Variants in HSPA4L observed in about 807,000 individuals in gnomAD.
The protein encoded by HSPA4L is heat shock protein family A (Hsp70) member 4 like.
In HSPA4L, 48 loss-of-function variants were observed where a neutral mutation model predicts 100.3. The ratio of observed to expected loss-of-function variants is 0.48; its 90% CI spans 0.38 to 0.61. The LOEUF (loss-of-function observed/expected upper bound fraction) is 0.61. HSPA4L is among the 20% of genes least tolerant of loss of function. The probability of loss-of-function intolerance (pLI) is 0.00; values close to 1 mark genes in which losing one functional copy is unlikely to be tolerated. For missense variants in HSPA4L, 886 were observed against 988.6 expected (o/e 0.90, Z 1.39); for synonymous variants, 319 against 328.2 (o/e 0.97, Z 0.30).
rs751714095 is a variant in HSPA4L at position 127,822,854 on chromosome 4, A to T, written c.1898A>T (p.Asp633Val). 6.8e-6 allele frequency: 11 copies of T among 1,613,654 alleles called. No individual in the cohort carries two copies. The highest frequency in any genetic ancestry group is 1.3e-5 in the African/African-American group (1 of 74,920). ...AVEEYVYDFR[D>V]RLGTVYEKFI... ...GAAGAATATGTATATGATTTTAGAGACAGGCTGGGCACTGTCTATGAAAAA... is the reference window on the plus strand; with the variant it reads ...GAAGAATATGTATATGATTTTAGAGTCAGGCTGGGCACTGTCTATGAAAAA... Residue 633 changes from aspartate (D) to valine (V), a missense_variant, in exon 15 of 19, where the codon GAC becomes GTC. By Grantham distance (152) the Asp-to-Val change is radical. Transcript: ENST00000296464.
chr4:127,794,255 A>G, intron 2 of HSPA4L, 121 bp downstream of exon 2: 1 of 610,758 alleles, frequency 1.6e-6, no homozygotes, highest in South Asian at 3.3e-5. Context: ...GACAGGTACT[A>G]CATCTTTGTT....
chr4:127,782,056 G>T (rs1003728194), upstream of HSPA4L: 10 of 455,126 alleles, frequency 2.2e-5, no homozygotes, highest in Non-Finnish European at 4.0e-5. Flanking sequence ...GGGCGAGCAA[G>T]CCAATGTGCC....
At chr4:127,806,277 G>C (rs1263849698) in intron 10 of HSPA4L, among the ~76,000 whole-genome samples, 6 of 151,684 alleles carry the variant, frequency 4.0e-5, no homozygotes, top group African/African-American at 1.5e-4. Context: ...AGTTATATGT[G>C]CCATAATAAA....
At chr4:127,795,276 A>T (rs1732986395) in intron 2 of HSPA4L, among the ~76,000 whole-genome samples, 1 of 152,148 alleles carries the variant, frequency 6.6e-6, no homozygotes, top group African/African-American at 2.4e-5. Context: ...ATTTTGGAAT[A>T]TTTGCATGAT....
Position 127,832,762 on chromosome 4 carries a change from A to T in HSPA4L, c.2408A>T (p.Asn803Ile). The change falls in exon 19 of 19, where the codon AAT (asparagine) becomes ATT (isoleucine). Residue 803 changes from asparagine to isoleucine, a missense_variant. Transcript: ENST00000296464. ...AEVPEDKPKANSEHNGPMDGQ... is the reference protein window; with the variant it reads ...AEVPEDKPKAISEHNGPMDGQ... ...GTTCCTGAAGACAAACCAAAAGCTA[A>T]TAGTGAACACAATGGCCCAATGGAT... 1 of 1,613,846 alleles carries T rather than the reference A, an allele frequency of 6.2e-7. No individual in the cohort carries two copies. The highest frequency in any genetic ancestry group is 8.5e-7 in the Non-Finnish European group (1 of 1,179,804).
intron 13 of HSPA4L, among the ~76,000 whole-genome samples, chr4:127,819,382 T>C (rs1733752426): frequency 6.6e-6 from 1 of 152,156 alleles, no homozygotes; most frequent in Non-Finnish European, 1.5e-5. Flanking sequence ...CCAAATAGAT[T>C]CATTTCTCAG....
chr4:127,826,749 C>A (rs1733959944), intron 16 of HSPA4L, among the ~76,000 whole-genome samples: 1 of 152,052 alleles, frequency 6.6e-6, no homozygotes, highest in Admixed American at 6.6e-5. Context: ...CTAATGTGCT[C>A]CCCTTCCCAA....
intron 6 of HSPA4L, 108 bp downstream of exon 6, chr4:127,802,026 A>G (rs1403094402): frequency 1.3e-6 from 1 of 755,928 alleles, no homozygotes; most frequent in Non-Finnish European, 2.0e-6. Flanking sequence ...TATGACCTCA[A>G]GCAAGTTACT....
At chr4:127,832,554 C>A in intron 18 of HSPA4L, 129 bp from the exon 19 acceptor site, 1 of 751,008 alleles carries the variant, frequency 1.3e-6, no homozygotes, top group South Asian at 2.1e-5. Context: ...AAACAGTTGG[C>A]TATCTAGCTG....
chr4:127,835,096 A>C lies in HSPA4L; in HGVS notation c.*2222A>C, dbSNP rs551799587. 1.3e-5 allele frequency: 2 copies of C among 152,316 alleles called. No homozygotes were observed. Among genetic ancestry groups the C allele is most frequent in the African/African-American group, 4.8e-5 (2 of 41,574 alleles). 9.4% of individuals were successfully genotyped at this position (152,316 alleles called of 1,614,324 possible). On this transcript the variant is annotated 3_prime_UTR_variant, in exon 19 of 19. Transcript: ENST00000296464. ...AATGCAGCTTTGGGTAGACAGTCTA[A>C]TTCAGTCCAATTTTAATCTGCATTA... is the stretch of plus-strand genomic sequence containing the variant.
chr4:127,799,492 A>G (rs1733115985), intron 4 of HSPA4L, among the ~76,000 whole-genome samples: 5 of 152,190 alleles, frequency 3.3e-5, no homozygotes, highest in Admixed American at 3.3e-4. Flanking sequence ...AAAAAGTAGG[A>G]TACTGAGATG....
intron 1 of HSPA4L, among the ~76,000 whole-genome samples, chr4:127,785,187 T>G (rs1393638345): frequency 6.6e-6 from 1 of 152,174 alleles, no homozygotes; most frequent in Non-Finnish European, 1.5e-5. Context: ...AGTTAGAGTG[T>G]TTATACTAGC....
At chr4:127,820,660 T>G in intron 14 of HSPA4L, 95 bp downstream of exon 14, 1 of 1,139,426 alleles carries the variant, frequency 8.8e-7, no homozygotes, top group Non-Finnish European at 1.3e-6. Context: ...GGCACTAGTT[T>G]ATAACTCCTA....
Position 127,833,488 on chromosome 4 carries a change from A to G in HSPA4L, c.*614A>G, listed in dbSNP as rs1665115762. ...CCCAATTTTATGTTAAGGTGAAACC[A>G]GCAGTTTGCTTCTTTTATTAGTAAT... On this transcript the variant is annotated 3_prime_UTR_variant, in exon 19 of 19. Coordinates refer to ENST00000296464, the MANE Select transcript of HSPA4L (RefSeq NM_014278.4). 1.3e-5 allele frequency: 2 copies of G among 152,256 alleles called. No individual in the cohort carries two copies. The highest frequency in any genetic ancestry group is 1.3e-4 in the Admixed American group (2 of 15,290). 9.4% of individuals were successfully genotyped at this position (152,256 alleles called of 1,614,324 possible).
At position 127,811,540 on chromosome 4, in the gene HSPA4L, C is replaced by A. The variant is rs143377960; in HGVS notation, c.1482C>A (p.Ser494Arg). 709 of 1,613,562 alleles carry A rather than the reference C, an allele frequency of 4.4e-4. No individual in the cohort carries two copies. Among genetic ancestry groups the A allele is most frequent in the Non-Finnish European group, 5.7e-4 (669 of 1,179,708 alleles). ...TCCATGGAATCTTCAGTGTGGCTAG[C>A]GCATCAGTAATTGAGAAGCAAAATT... is the stretch of plus-strand genomic sequence containing the variant. Reference protein sequence around the residue: ...VNIHGIFSVASASVIEKQNLE... With the variant: ...VNIHGIFSVARASVIEKQNLE... The change falls in exon 12 of 19, where the codon AGC becomes AGA. Residue 494 changes from serine to arginine, a missense_variant. Physicochemically the swap from Ser to Arg is moderately radical, Grantham distance 110. Transcript: ENST00000296464.
At chr4:127,800,720 A>G (rs960446614) in intron 4 of HSPA4L, among the ~76,000 whole-genome samples, 1 of 152,190 alleles carries the variant, frequency 6.6e-6, no homozygotes, top group Non-Finnish European at 1.5e-5. Context: ...ATAGAATTCC[A>G]TAACAATTCA....
At position 127,782,496 on chromosome 4, in the gene HSPA4L, C is replaced by G. The variant is rs754076774; in HGVS notation, c.-55C>G. The G allele has an allele frequency of 4.2e-6, 6 of 1,437,068 alleles. No homozygotes were observed. In the Admixed American group the frequency reaches 5.1e-5, roughly 12 times the overall value. 89.0% of individuals were successfully genotyped at this position (1,437,068 alleles called of 1,614,324 possible). On this transcript the variant is annotated 5_prime_UTR_variant, in exon 1 of 19. Transcript: ENST00000296464. The stretch of plus-strand genomic sequence containing the variant: ...CCAGCAGCAATAGCCCAGAAGAGGA[C>G]ACGGTTCCCGTACCGAAGGGTTCAG...
chr4:127,795,751 G>T lies in HSPA4L; in HGVS notation c.166-17G>T, dbSNP rs1733001013. 4 of 1,612,064 alleles carry T rather than the reference G, an allele frequency of 2.5e-6. No homozygotes were observed. The African/African-American group carries it at 4.0e-5, about 16-fold the overall frequency. ...TTTATTAGGTAACTGATAAATACAA[G>T]TGTTTACTGCCAACAGATAGTCACG... On this transcript the variant is annotated splice_polypyrimidine_tract_variant and intron_variant, in intron 2 of 18. Coordinates refer to ENST00000296464, the MANE Select transcript of HSPA4L (RefSeq NM_014278.4).
chr4:127,782,472 C>A lies in HSPA4L; in HGVS notation c.-79C>A. On this transcript the variant is annotated 5_prime_UTR_variant, in exon 1 of 19. Coordinates refer to ENST00000296464, the MANE Select transcript of HSPA4L (RefSeq NM_014278.4). ...TTGCTTCTGGTAGGAGTCGCAATCC[C>A]AGCAGCAATAGCCCAGAAGAGGACA... is the stretch of plus-strand genomic sequence containing the variant. 1 of 1,201,474 alleles carries A rather than the reference C, an allele frequency of 8.3e-7. No individual in the cohort carries two copies. The highest frequency in any genetic ancestry group is 2.4e-5 in the East Asian group (1 of 42,092). 74.4% of individuals were successfully genotyped at this position (1,201,474 alleles called of 1,614,324 possible).
Sources: allele counts gnomAD v4.1 joint callset (sites outside exome capture counted in the v4.1 genomes callset), GRCh38; gene constraint gnomAD v4.1.1; transcripts MANE v1.5; gene names NCBI Gene and HGNC (gene_info 2026-07-23, HGNC 2026-07-21).